The following CDH1 variants were observed in gnomAD, a reference collection of about 807,000 sequenced individuals.
The protein encoded by CDH1 is cadherin 1, also known as cadherin-1.
CDH1 carries 35 observed loss-of-function variants against 84.5 expected under a neutral mutation model. That is an observed-to-expected ratio of 0.41 (90% CI 0.32 to 0.55). The LOEUF (loss-of-function observed/expected upper bound fraction) is 0.55. Among genes scored for constraint, CDH1 ranks in the 20% least tolerant of loss-of-function variants. The pLI, the probability that CDH1 is intolerant of heterozygous loss-of-function variation, is 0.19. For missense variants in CDH1, 994 were observed against 1,126.6 expected, an observed-to-expected ratio of 0.88 and a Z score of 1.68; for synonymous variants, 417 against 439.0, an observed-to-expected ratio of 0.95 and a Z score of 0.63.
chr16:68,822,451 G>T lies in CDH1; in HGVS notation c.1936+226G>T. 5.0e-6 allele frequency: 3 copies of T among 597,056 alleles called. No homozygotes were observed. The South Asian group carries it at 5.7e-5, about 11-fold the overall frequency. The allele number at this position is 597,056 out of a possible 1,614,324, so 37.0% of individuals were successfully genotyped here. ...CCCAGTAATCTAAAACCCAAGCAGG[G>T]CTCCCTCTCCCAGCCTCTAGCCACC... On this transcript the variant is annotated intron_variant, in intron 12 of 15. Coordinates refer to ENST00000261769, the MANE Select transcript of CDH1 (RefSeq NM_004360.5).
At chr16:68,820,469 G>A (rs899866468) in intron 11 of CDH1, among the ~76,000 whole-genome samples, 11 of 151,294 alleles carry the variant, frequency 7.3e-5, no homozygotes, top group Non-Finnish European at 1.0e-4. Context: ...TCCTACCTCA[G>A]CCTCCCAAGT....
At chr16:68,738,056 G>A (rs961011220) in intron 1 of CDH1, among the ~76,000 whole-genome samples, 2 of 152,114 alleles carry the variant, frequency 1.3e-5, no homozygotes, top group African/African-American at 4.8e-5. Context: ...AAAGGGAACG[G>A]TGGGCTAGGT....
intron 2 of CDH1, among the ~76,000 whole-genome samples, chr16:68,784,075 T>A (rs1959969135): frequency 6.6e-6 from 1 of 152,174 alleles, no homozygotes; most frequent in Admixed American, 6.5e-5. Flanking sequence ...TTTGCCACCA[T>A]AAACAAGATT....
chr16:68,786,855 G>T (rs1256559813), intron 2 of CDH1, among the ~76,000 whole-genome samples: 1 of 152,206 alleles, frequency 6.6e-6, no homozygotes, highest in Admixed American at 6.5e-5. Context: ...TCACTTCGCA[G>T]TGTTGGCTCC....
chr16:68,819,398 A>G lies in CDH1; in HGVS notation c.1684A>G (p.Thr562Ala), dbSNP rs587782061. 35 of 1,613,698 alleles carry G rather than the reference A, an allele frequency of 2.2e-5. No homozygotes were observed. Among genetic ancestry groups the G allele is most frequent in the Non-Finnish European group, 2.8e-5 (33 of 1,180,042 alleles). Reference sequence around the variant, plus strand: ...TGAGCACGTGAAGAACAGCACGTACACAGCCCTAATCATAGCTACAGACAA... The same window carrying G: ...TGAGCACGTGAAGAACAGCACGTACGCAGCCCTAATCATAGCTACAGACAA... ...DFEHVKNSTY[T>A]ALIIATDNGS... is the part of the protein sequence containing the mutation. Residue 562 changes from threonine (T) to alanine (A), a missense_variant, in exon 11 of 16, where the codon ACA becomes GCA. Thr to Ala is a moderately conservative substitution (Grantham distance 58). Transcript: ENST00000261769.
chr16:68,802,519 C>T (rs1960544153), intron 3 of CDH1, among the ~76,000 whole-genome samples: 1 of 151,856 alleles, frequency 6.6e-6, no homozygotes, highest in Non-Finnish European at 1.5e-5. Flanking sequence ...CTCTGTGGCT[C>T]AGGCTGGAGT....
In CDH1 at chr16:68,762,356, C is replaced by G. The variant is rs550968421; in HGVS notation, c.163+23945C>G. The stretch of plus-strand genomic sequence containing the variant: ...GGTTCCTTTATGCTCCCCCACCAGG[C>G]TGGGTACTTGGGAAGTATTCGCAGC... On this transcript the variant is annotated intron_variant, in intron 2 of 15. Transcript: ENST00000261769. Among the ~76,000 whole-genome samples the G allele has an allele frequency of 6.4e-4, 98 of 152,308 alleles. 5 individuals carry two copies. The South Asian group carries it at 0.02, about 31-fold the overall frequency.
intron 2 of CDH1, among the ~76,000 whole-genome samples, chr16:68,801,176 A>G (rs1960488594): frequency 6.6e-6 from 1 of 152,250 alleles, no homozygotes; most frequent in South Asian, 2.1e-4. Context: ...CAGTGGCGCA[A>G]TCTCAGCTCA....
At position 68,822,129 on chromosome 16, in the gene CDH1, A is replaced by T. The variant is rs587782838; in HGVS notation, c.1840A>T (p.Ile614Phe). The change falls in exon 12 of 16, where the codon ATC (isoleucine) becomes TTC (phenylalanine). Residue 614 changes from isoleucine (I) to phenylalanine (F), a missense_variant. Around this residue, in one of 3 missense-constraint regions of CDH1, gnomAD observed 769 missense variants for 881.8 expected, o/e 0.87. Coordinates refer to ENST00000261769, the MANE Select transcript of CDH1 (RefSeq NM_004360.5). ...ERNPKPQVIN[I>F]IDADLPPNTS... ...GAATCCAAAGCCTCAGGTCATAAAC[A>T]TCATTGATGCAGACCTTCCTCCCAA... The T allele has an allele frequency of 3.1e-6, 5 of 1,614,064 alleles. No individual in the cohort carries two copies.
intron 2 of CDH1, among the ~76,000 whole-genome samples, chr16:68,777,534 C>CTTTTTCT: frequency 1.3e-5 from 1 of 76,968 alleles, no homozygotes; most frequent in Non-Finnish European, 2.3e-5. Flanking sequence ...GTAATGTTTC[C>CTTTTTCT]TTTTTTTTTT....
At chr16:68,780,616 G>A (rs146808656) in intron 2 of CDH1, among the ~76,000 whole-genome samples, 14 of 152,286 alleles carry the variant, frequency 9.2e-5, no homozygotes, top group African/African-American at 2.2e-4. Flanking sequence ...TCTCTACAGC[G>A]TTTACTACCT....
At chr16:68,791,157 A>G (rs1285395005) in intron 2 of CDH1, among the ~76,000 whole-genome samples, 2 of 152,098 alleles carry the variant, frequency 1.3e-5, no homozygotes, top group African/African-American at 4.8e-5. Context: ...GGCTGCCCCC[A>G]TGCAGGAGGT....
chr16:68,784,724 C>T (rs1482636577), intron 2 of CDH1, among the ~76,000 whole-genome samples: 3 of 152,122 alleles, frequency 2.0e-5, no homozygotes, highest in Admixed American at 1.3e-4. Flanking sequence ...TAGCTTAGCT[C>T]CCACTTATGA....
chr16:68,769,261 A>C (rs1277444751), intron 2 of CDH1, among the ~76,000 whole-genome samples: 1 of 152,176 alleles, frequency 6.6e-6, no homozygotes, highest in Middle Eastern at 3.2e-3. Context: ...CATCTATATC[A>C]ATAACTACTG....
rs1597884542 is a variant in CDH1, at chr16:68,801,688, C to G, written c.182C>G (p.Thr61Ser). 1 of 1,613,828 alleles carries G rather than the reference C, an allele frequency of 6.2e-7. No homozygotes were observed. The highest frequency in any genetic ancestry group is 1.1e-5 in the South Asian group (1 of 91,080). ...CCTGCAGTGAATTTTGAAGATTGCA[C>G]CGGTCGACAAAGGACAGCCTATTTT... ...VLGRVNFEDC[T>S]GRQRTAYFSL... Residue 61 changes from threonine to serine, a missense_variant, in exon 3 of 16, where the codon ACC becomes AGC. By Grantham distance (58) the Thr-to-Ser change is moderately conservative. Around this residue, in one of 3 missense-constraint regions of CDH1, gnomAD observed 203 missense variants for 194.0 expected, o/e 1.05. Coordinates refer to ENST00000261769, the MANE Select transcript of CDH1 (RefSeq NM_004360.5).
At chr16:68,765,854 T>G (rs1380982689) in intron 2 of CDH1, among the ~76,000 whole-genome samples, 1 of 152,206 alleles carries the variant, frequency 6.6e-6, no homozygotes, top group Non-Finnish European at 1.5e-5. Flanking sequence ...CTCCTATGTG[T>G]CAAATAATCG....
At chr16:68,817,521 G>C (rs1180470697) in intron 10 of CDH1, among the ~76,000 whole-genome samples, 1 of 152,160 alleles carries the variant, frequency 6.6e-6, no homozygotes, top group Non-Finnish European at 1.5e-5. Flanking sequence ...GTGAAAAAAG[G>C]CACCTTTGCT....
rs533920525 is a variant in CDH1 at position 68,744,763 on chromosome 16, C to T, written c.163+6352C>T. On this transcript the variant is annotated intron_variant, in intron 2 of 15. Transcript: ENST00000261769. ...TAAAATGAGCATAATAGCATGGAGA[C>T]ATCATAGGATGGTATGTCAAGCGTT... 2.1e-4 allele frequency among the ~76,000 whole-genome samples: 32 copies of T among 152,268 alleles called. 1 individual carries two copies. Among genetic ancestry groups the T allele is most frequent in the African/African-American group, 7.5e-4 (31 of 41,566 alleles).
intron 13 of CDH1, 24 bp downstream of exon 13, chr16:68,823,650 C>T (rs1314814323): frequency 1.3e-6 from 2 of 1,483,330 alleles, no homozygotes; most frequent in Admixed American, 3.4e-5. Context: ...GCAAGTGACT[C>T]AGCCTTTGAC....
Sources: allele counts gnomAD v4.1 joint callset (sites outside exome capture counted in the v4.1 genomes callset), GRCh38; gene constraint gnomAD v4.1.1; regional missense constraint gnomAD v4.1.1; transcripts MANE v1.5; gene names NCBI Gene and HGNC (gene_info 2026-07-23, HGNC 2026-07-21).